Variants in RGS7 observed in about 807,000 individuals in gnomAD.
RGS7 encodes regulator of G protein signaling 7, also known as regulator of G-protein signaling 7.
A neutral mutation model predicts 81.1 loss-of-function variants in RGS7; 27 were observed. That is an observed-to-expected ratio of 0.33 (90% CI 0.25 to 0.46). The LOEUF is 0.46. RGS7 is among the 20% of genes least tolerant of loss of function. The pLI is 1.00. For synonymous variants in RGS7, 208 were observed against 207.7 expected (o/e 1.00, Z -0.01); for missense variants, 396 against 607.4 (o/e 0.65, Z 3.66).
chr1:241,100,937 C>G (rs1276882758), intron 2 of RGS7, among the ~76,000 whole-genome samples: 1 of 152,196 alleles, frequency 6.6e-6, no homozygotes, highest in East Asian at 1.9e-4. Context: ...GCTGACTTAT[C>G]AGACAGAAGA....
chr1:241,090,264 T>C (rs1279394257), intron 3 of RGS7, among the ~76,000 whole-genome samples: 2 of 152,036 alleles, frequency 1.3e-5, no homozygotes, highest in Non-Finnish European at 2.9e-5. Context: ...TGGTCCAAGC[T>C]AAGCTGACAG....
At chr1:241,037,873 A>G (rs1318906304) in intron 3 of RGS7, among the ~76,000 whole-genome samples, 1 of 152,198 alleles carries the variant, frequency 6.6e-6, no homozygotes, top group African/African-American at 2.4e-5. Flanking sequence ...AGAATGGAAA[A>G]CCAAATATTG....
chr1:240,784,924 G>T (rs1231363839), intron 18 of RGS7, among the ~76,000 whole-genome samples: 1 of 152,068 alleles, frequency 6.6e-6, no homozygotes, highest in East Asian at 1.9e-4. Flanking sequence ...TTAATAAAAA[G>T]AACTGACCAT....
intron 6 of RGS7, among the ~76,000 whole-genome samples, chr1:240,871,071 T>C (rs1306156508): frequency 1.3e-5 from 2 of 152,196 alleles, no homozygotes; most frequent in African/African-American, 2.4e-5. Context: ...TCTTCAATTA[T>C]TTCAGGGTAT....
intron 2 of RGS7, among the ~76,000 whole-genome samples, chr1:241,146,891 A>G (rs1203322177): frequency 1.3e-5 from 2 of 152,154 alleles, no homozygotes; most frequent in Non-Finnish European, 2.9e-5. Flanking sequence ...CACTAATCTC[A>G]TTCATAAAGG....
chr1:240,981,604 G>C (rs1260992502), intron 4 of RGS7, among the ~76,000 whole-genome samples: 1 of 152,118 alleles, frequency 6.6e-6, no homozygotes, highest in African/African-American at 2.4e-5. Flanking sequence ...TGTGAACTTG[G>C]TAAGACTGTA....
intron 2 of RGS7, among the ~76,000 whole-genome samples, chr1:241,153,733 T>C (rs1021443781): frequency 2.6e-5 from 4 of 152,254 alleles, no homozygotes; most frequent in Non-Finnish European, 4.4e-5. Flanking sequence ...TACTACTTTG[T>C]TCTATGTTTC....
intron 3 of RGS7, among the ~76,000 whole-genome samples, chr1:241,037,647 G>C (rs2060398526): frequency 6.6e-6 from 1 of 151,336 alleles, no homozygotes; most frequent in Non-Finnish European, 1.5e-5. Context: ...CCTGAGCCCA[G>C]GACGTGGAGG....
At chr1:241,056,158 C>G (rs76892691) in intron 3 of RGS7, among the ~76,000 whole-genome samples, 6,013 of 152,282 alleles carry the variant, frequency 0.039, 129 homozygotes, top group Middle Eastern at 0.061. Context: ...AGCCCTCAGG[C>G]AGGCAAGCTC....
chr1:240,982,108 T>C lies in RGS7; in HGVS notation c.226+971A>G, dbSNP rs115978478. ...TGAATTGTTTGCCACGTGTGAAAGG[T>C]TTTACATATTTTAAAAAAGCCACTA... On this transcript the variant is annotated intron_variant, in intron 4 of 18. Transcript: ENST00000440928. Among the ~76,000 whole-genome samples, 1,284 of 152,038 alleles carry C rather than the reference T, an allele frequency of 8.4e-3. 19 individuals are homozygous for C. The highest frequency in any genetic ancestry group is 0.03 in the African/African-American group (1,232 of 41,488).
At chr1:240,786,642 G>A (rs1387674243) in intron 18 of RGS7, among the ~76,000 whole-genome samples, 1 of 152,144 alleles carries the variant, frequency 6.6e-6, no homozygotes, top group Non-Finnish European at 1.5e-5. Flanking sequence ...ACATGTATGT[G>A]TCGATCAAAT....
At chr1:240,840,715 A>G (rs1674744) in intron 9 of RGS7, among the ~76,000 whole-genome samples, 2,095 of 152,226 alleles carry the variant, frequency 0.014, 44 homozygotes, top group African/African-American at 0.048. Context: ...GGGTTTTTGC[A>G]CATTACACTT....
chr1:241,298,709 T>A (rs2079561734), intron 2 of RGS7, among the ~76,000 whole-genome samples: 1 of 152,224 alleles, frequency 6.6e-6, no homozygotes, highest in African/African-American at 2.4e-5. Context: ...CCTCCCCAAA[T>A]AAGTCTTATT....
At chr1:241,342,987 G>A (rs1462000346) in intron 2 of RGS7, among the ~76,000 whole-genome samples, 1 of 152,146 alleles carries the variant, frequency 6.6e-6, no homozygotes, top group African/African-American at 2.4e-5. Flanking sequence ...TATAGGCCAG[G>A]TGCGGTGGCT....
rs150578218 is a variant in RGS7, at chr1:240,930,406, A to G, written c.385+311T>C. 8.5e-3 allele frequency among the ~76,000 whole-genome samples: 1,298 copies of G among 152,102 alleles called. 9 individuals carry two copies. Among genetic ancestry groups the G allele is most frequent in the Non-Finnish European group, 0.013 (905 of 67,962 alleles). On this transcript the variant is annotated intron_variant, in intron 6 of 18. Transcript: ENST00000440928. ...ACTAGAACTCTGGTTCTATGGGTCT[A>G]TTTTTTATTCTTTCTAGTAGGCCAG...
At chr1:240,969,973 TTTTC>T (rs1321923777) in intron 4 of RGS7, among the ~76,000 whole-genome samples, 1 of 152,234 alleles carries the variant, frequency 6.6e-6, no homozygotes, top group African/African-American at 2.4e-5. Context: ...TTTCTTCAAA[TTTTC>T]TTTCTTTTCT....
rs192087420 is a variant in RGS7 at position 241,252,054 on chromosome 1, T to C, written c.78+103645A>G. On this transcript the variant is annotated intron_variant, in intron 2 of 18. Coordinates refer to ENST00000440928, the MANE Select transcript of RGS7 (RefSeq NM_001364886.1). ...CTTTTTCTTTCTTTCTTTTTCTTTT[T>C]TTTTTTTGAGACAGAGTCTCACTCT... 8.6e-5 allele frequency among the ~76,000 whole-genome samples: 13 copies of C among 151,372 alleles called. No individual in the cohort carries two copies. The East Asian group carries it at 2.5e-3, about 30-fold the overall frequency.
intron 3 of RGS7, among the ~76,000 whole-genome samples, chr1:241,066,246 G>A (rs2062055750): frequency 6.6e-6 from 1 of 152,066 alleles, no homozygotes; most frequent in Non-Finnish European, 1.5e-5. Flanking sequence ...TGCAAGAATG[G>A]ATGAGCAATC....
chr1:240,904,962 T>C (rs1670586963), intron 6 of RGS7, among the ~76,000 whole-genome samples: 1 of 152,122 alleles, frequency 6.6e-6, no homozygotes, highest in Admixed American at 6.6e-5. Context: ...AAATTACCAG[T>C]AGCTAACACT....
Sources: allele counts gnomAD v4.1 joint callset (sites outside exome capture counted in the v4.1 genomes callset), GRCh38; gene constraint gnomAD v4.1.1; transcripts MANE v1.5; gene names NCBI Gene and HGNC (gene_info 2026-07-23, HGNC 2026-07-21).